Variants in FILIP1 observed in about 807,000 individuals in gnomAD.
The protein encoded by FILIP1 is filamin A interacting protein 1.
Under a neutral mutation model 102.1 loss-of-function variants are expected in FILIP1, and 61 were observed. That is an observed-to-expected ratio of 0.60 (90% CI 0.49 to 0.74). The LOEUF is 0.74. Among genes scored for constraint, FILIP1 ranks in the 30% least tolerant of loss-of-function variants. The pLI, the probability that FILIP1 is intolerant of heterozygous loss-of-function variation, is 0.00. For synonymous variants in FILIP1, 491 were observed against 526.9 expected (o/e 0.93, Z 0.93); for missense variants, 1,314 against 1,441.2 (o/e 0.91, Z 1.43).
rs368094494 is a variant in FILIP1, at chr6:75,359,681, C to G, written c.450+3063G>C. Among the ~76,000 whole-genome samples the G allele has an allele frequency of 2.8e-3, 433 of 152,238 alleles. 3 individuals are homozygous for G. The highest frequency in any genetic ancestry group is 0.01 in the African/African-American group (416 of 41,532). ...TCAGCTGAGCCTTCCTCTCTCACAA[C>G]AGAAAAAGTTGTGGCAGAAGAAAAT... On this transcript the variant is annotated intron_variant, in intron 3 of 5. Transcript: ENST00000237172.
intron 2 of FILIP1, among the ~76,000 whole-genome samples, chr6:75,391,629 C>T (rs117468593): frequency 0.013 from 2,044 of 152,250 alleles, 26 homozygotes; most frequent in South Asian, 0.035. Flanking sequence ...TTACTTTAGT[C>T]ACTAAATCCC....
intron 1 of FILIP1, among the ~76,000 whole-genome samples, chr6:75,430,510 TTATATGTATATAGTATAAAAGAC>T: frequency 2.0e-5 from 3 of 152,046 alleles, no homozygotes; most frequent in African/African-American, 7.2e-5. Context: ...ATAACAAATA[TTATATGTATATAGTATAAAAGAC>T]ATCATAAATA....
chr6:75,387,117 T>C (rs1776123322), intron 2 of FILIP1, among the ~76,000 whole-genome samples: 2 of 151,914 alleles, frequency 1.3e-5, no homozygotes, highest in Admixed American at 1.3e-4. Context: ...GAACATGTGG[T>C]GTTTGGTTTT....
intron 6 of FILIP1, among the ~76,000 whole-genome samples, chr6:75,298,274 G>A (rs556636887): frequency 6.6e-6 from 1 of 152,248 alleles, no homozygotes; most frequent in South Asian, 2.1e-4. Context: ...TTAATCAAAT[G>A]TGTTATTAAA....
At chr6:75,379,607 G>C (rs1397037657) in intron 2 of FILIP1, among the ~76,000 whole-genome samples, 1 of 152,162 alleles carries the variant, frequency 6.6e-6, no homozygotes, top group Non-Finnish European at 1.5e-5. Flanking sequence ...TGTTGGAGAG[G>C]CTGTTGCAGA....
At chr6:75,485,617 C>T (rs1779760925) in intron 1 of FILIP1, among the ~76,000 whole-genome samples, 1 of 152,150 alleles carries the variant, frequency 6.6e-6, no homozygotes, top group Non-Finnish European at 1.5e-5. Context: ...AATCGCTCTC[C>T]TTTTACTTCA....
At chr6:75,356,082 A>G (rs1187902894) in intron 3 of FILIP1, among the ~76,000 whole-genome samples, 1 of 152,210 alleles carries the variant, frequency 6.6e-6, no homozygotes, top group Non-Finnish European at 1.5e-5. Flanking sequence ...ACCCCAATTG[A>G]GAACCACTGT....
At chr6:75,468,360 T>A (rs956599342) in intron 1 of FILIP1, among the ~76,000 whole-genome samples, 10 of 152,204 alleles carry the variant, frequency 6.6e-5, no homozygotes, top group Non-Finnish European at 1.3e-4. Context: ...CAGCCAGTAA[T>A]TAATAATGTC....
chr6:75,453,278 A>T (rs1179475873), intron 1 of FILIP1, among the ~76,000 whole-genome samples: 1 of 152,220 alleles, frequency 6.6e-6, no homozygotes, highest in Non-Finnish European at 1.5e-5. Context: ...ATGCCCCTAG[A>T]AAACTACAAT....
chr6:75,331,733 C>T (rs1158096112), intron 4 of FILIP1, among the ~76,000 whole-genome samples: 1 of 152,086 alleles, frequency 6.6e-6, no homozygotes, highest in Non-Finnish European at 1.5e-5. Flanking sequence ...TATTTCAGCT[C>T]CCATTCCTTC....
At position 75,314,844 on chromosome 6, in the gene FILIP1, G is replaced by C; in HGVS notation, c.988C>G (p.Gln330Glu). 6.2e-7 allele frequency: 1 copy of C among 1,614,048 alleles called. No homozygotes were observed. The highest frequency in any genetic ancestry group is 8.5e-7 in the Non-Finnish European group (1 of 1,180,016). ...AAGCCAACCAGCTTGAGTCTAAGTT[G>C]CCTATTGTGAGACTCTTGATTAGCC... ...KLANQESHNR[Q>E]LRLKLVGLTQ... is the part of the protein sequence containing the mutation. The change falls in exon 5 of 6, where the codon CAA (glutamine) becomes GAA (glutamate). Residue 330 changes from glutamine (Q) to glutamate (E), a missense_variant. This residue lies in a region of FILIP1 where 494 missense variants were observed against 511.2 expected (regional missense o/e 0.97). Coordinates refer to ENST00000237172, the MANE Select transcript of FILIP1 (RefSeq NM_015687.5).
intron 1 of FILIP1, among the ~76,000 whole-genome samples, chr6:75,442,199 G>C (rs1005057714): frequency 2.0e-5 from 3 of 151,878 alleles, no homozygotes; most frequent in Non-Finnish European, 4.4e-5. Context: ...ATGGGATGGC[G>C]GCCGGGAAGA....
chr6:75,299,335 T>C (rs554192000), intron 6 of FILIP1, among the ~76,000 whole-genome samples: 13 of 152,302 alleles, frequency 8.5e-5, no homozygotes, highest in Admixed American at 2.6e-4. Flanking sequence ...ATAATTTTTC[T>C]TCTTACAGAT....
chr6:75,381,643 T>C (rs372068913), intron 2 of FILIP1, among the ~76,000 whole-genome samples: 11 of 152,236 alleles, frequency 7.2e-5, no homozygotes, highest in African/African-American at 1.9e-4. Flanking sequence ...CTTTCTATTA[T>C]ACCTAAAACT....
intron 4 of FILIP1, among the ~76,000 whole-genome samples, chr6:75,332,961 A>G (rs1303858374): frequency 6.6e-6 from 1 of 152,226 alleles, no homozygotes; most frequent in East Asian, 1.9e-4. Flanking sequence ...ACAGTATGGG[A>G]GCTCACAACA....
chr6:75,415,115 T>G (rs1582470574), intron 1 of FILIP1, 137 bp from the exon 2 acceptor site: 1 of 819,784 alleles, frequency 1.2e-6, no homozygotes, highest in East Asian at 2.6e-5. Flanking sequence ...CATTAAAATT[T>G]TCAGGAAACC....
intron 1 of FILIP1, among the ~76,000 whole-genome samples, chr6:75,447,249 T>C (rs1240563260): frequency 6.6e-6 from 1 of 152,150 alleles, no homozygotes; most frequent in Non-Finnish European, 1.5e-5. Context: ...TTAGATTTCT[T>C]TAAAGAGTTC....
At chr6:75,339,088 T>A (rs544235536) in intron 4 of FILIP1, among the ~76,000 whole-genome samples, 16 of 152,340 alleles carry the variant, frequency 1.1e-4, no homozygotes, top group African/African-American at 3.6e-4. Context: ...TTTCAGTGTA[T>A]TGATAGGTCA....
In FILIP1 at chr6:75,313,949, T is replaced by A; in HGVS notation, c.1883A>T (p.Lys628Met). 6.2e-7 allele frequency: 1 copy of A among 1,609,590 alleles called. No homozygotes were observed. Among genetic ancestry groups the A allele is most frequent in the Middle Eastern group, 1.7e-4 (1 of 6,020 alleles). Residue 628 changes from lysine (K) to methionine (M), a missense_variant, in exon 5 of 6, where the codon AAG (lysine) becomes ATG (methionine). By Grantham distance (95) the Lys-to-Met change is moderately conservative. Transcript: ENST00000237172. The surrounding 1 kb of genome is among the most constrained non-coding windows in gnomAD (Gnocchi z 4.2). Reference protein sequence around the residue: ...GSELTCPEDNKIKELTLEIER... With the variant: ...GSELTCPEDNMIKELTLEIER... ...AATTTCAAGTGTTAGTTCCTTAATC[T>A]TATTATCTTCCGGGCAGGTGAGCTC... is the stretch of plus-strand genomic sequence containing the variant.
Sources: allele counts gnomAD v4.1 joint callset (sites outside exome capture counted in the v4.1 genomes callset), GRCh38; gene constraint gnomAD v4.1.1; regional missense constraint gnomAD v4.1.1; non-coding constraint Gnocchi (gnomAD v3.1); transcripts MANE v1.5; gene names NCBI Gene and HGNC (gene_info 2026-07-23, HGNC 2026-07-21).